The following NEDD9 variants were observed in gnomAD, a reference collection of about 807,000 sequenced individuals.
NEDD9 encodes enhancer of filamentation 1.
NEDD9 carries 26 observed loss-of-function variants against 76.6 expected under a neutral mutation model. The observed-to-expected ratio is 0.34, with a 90% CI of 0.25 to 0.47. NEDD9 has a LOEUF of 0.47. NEDD9 is among the 20% of genes least tolerant of loss of function. NEDD9 has a pLI of 1.00. For missense variants in NEDD9, 937 were observed against 1,058.5 expected (o/e 0.89, Z 1.59); for synonymous variants, 392 against 414.2 (o/e 0.95, Z 0.65).
rs1307551190 is a variant in NEDD9 at position 11,241,007 on chromosome 6, A to C, written c.13-27280T>G. Reference sequence around the variant, plus strand: ...TAGCCGTGAGGTGTTCTGTTATTACATGCTTTAGTTTGTCCAAATAAACAA... The same window carrying C: ...TAGCCGTGAGGTGTTCTGTTATTACCTGCTTTAGTTTGTCCAAATAAACAA... On this transcript the variant is annotated intron_variant, in intron 3 of 3. Coordinates refer to the NEDD9 transcript ENST00000397378. This position sits in a 1 kb window ranked among gnomAD's most constrained non-coding sequence, Gnocchi z 4.0. Among the ~76,000 whole-genome samples, 1 of 152,212 alleles carries C rather than the reference A, an allele frequency of 6.6e-6. No homozygotes were observed. The highest frequency in any genetic ancestry group is 1.9e-4 in the East Asian group (1 of 5,198).
chr6:11,242,554 C>A (rs1759728053), intron 3 of NEDD9, among the ~76,000 whole-genome samples: 1 of 150,698 alleles, frequency 6.6e-6, no homozygotes, highest in South Asian at 2.1e-4. Flanking sequence ...TCTACATTTT[C>A]AAAAGTCATC....
intron 3 of NEDD9, among the ~76,000 whole-genome samples, chr6:11,284,120 G>A (rs183659084): frequency 2.2e-3 from 329 of 152,246 alleles, no homozygotes; most frequent in African/African-American, 7.1e-3. Context: ...GAGAGATTAA[G>A]GAAGCCAGTA....
At chr6:11,272,489 T>A (rs1417072587) in intron 3 of NEDD9, among the ~76,000 whole-genome samples, 1 of 152,212 alleles carries the variant, frequency 6.6e-6, no homozygotes, top group African/African-American at 2.4e-5. Context: ...TTCATTGCAA[T>A]GTTTCAAATT....
intron 2 of NEDD9, among the ~76,000 whole-genome samples, chr6:11,318,474 G>A (rs1034545484): frequency 1.3e-5 from 2 of 152,114 alleles, no homozygotes; most frequent in African/African-American, 2.4e-5. Flanking sequence ...CGCTGACGGC[G>A]TTGATGACTC....
intron 3 of NEDD9, among the ~76,000 whole-genome samples, chr6:11,264,500 G>A (rs1414813428): frequency 6.6e-6 from 1 of 152,132 alleles, no homozygotes; most frequent in African/African-American, 2.4e-5. Flanking sequence ...CAGATATTTA[G>A]GAACGAATCA....
chr6:11,233,192 T>C, upstream of NEDD9: 1 of 516,928 alleles, frequency 1.9e-6, no homozygotes, highest in Non-Finnish European at 3.9e-6. Context: ...CGCCTACTTT[T>C]TGTGTGTGTG....
In NEDD9 at chr6:11,197,042, C is replaced by T. The variant is rs1325505213; in HGVS notation, c.460-3350G>A. 3.3e-5 allele frequency among the ~76,000 whole-genome samples: 5 copies of T among 152,104 alleles called. No homozygotes were observed. The East Asian group carries it at 7.7e-4, about 23-fold the overall frequency. On this transcript the variant is annotated intron_variant, in intron 2 of 6. Transcript: ENST00000379446. ...ACATAAGTACACAAAAACCTTCCAACGATCTCTCCTCATTCCACCTCCCAG... is the reference window on the plus strand; with the variant it reads ...ACATAAGTACACAAAAACCTTCCAATGATCTCTCCTCATTCCACCTCCCAG...
At chr6:11,345,802 G>C (rs1468751662) in intron 1 of NEDD9, among the ~76,000 whole-genome samples, 1 of 151,958 alleles carries the variant, frequency 6.6e-6, no homozygotes, top group Non-Finnish European at 1.5e-5. Flanking sequence ...CAGCATTTTA[G>C]CTGAGATCGA....
At chr6:11,250,569 T>C (rs1377882857) in intron 3 of NEDD9, among the ~76,000 whole-genome samples, 1 of 152,158 alleles carries the variant, frequency 6.6e-6, no homozygotes, top group Non-Finnish European at 1.5e-5. Context: ...CTGGTGTCCC[T>C]TTGCCGGCAT....
chr6:11,239,228 C>A (rs1458045413), intron 3 of NEDD9, among the ~76,000 whole-genome samples: 2 of 152,156 alleles, frequency 1.3e-5, no homozygotes, highest in Admixed American at 6.5e-5. Flanking sequence ...GTATATAACA[C>A]ACCATTTAGT....
intron 2 of NEDD9, chr6:11,201,083 C>T: frequency 1.2e-6 from 2 of 1,613,600 alleles, no homozygotes; most frequent in Non-Finnish European, 1.7e-6. Context: ...ACAAGTTCTG[C>T]TCACATTGTG....
In NEDD9 at chr6:11,240,042, C is replaced by CA. The variant is rs144360623; in HGVS notation, c.13-26316dup. 6.5e-3 allele frequency among the ~76,000 whole-genome samples: 593 copies of CA among 91,366 alleles called. 4 individuals carry two copies. Among genetic ancestry groups the CA allele is most frequent in the South Asian group, 0.011 (31 of 2,888 alleles). 59.9% of individuals were successfully genotyped at this position (91,366 alleles called of 152,430 possible). ...CTGGGGACAGAGCGAGACTTCATCT[C>CA]AAAAAAAAAAAAAAAAAAAAAGAAA... On this transcript the variant is annotated intron_variant, in intron 3 of 3. Coordinates refer to the NEDD9 transcript ENST00000397378.
At chr6:11,306,067 T>TG in exon 3 of NEDD9, 1 of 1,600,118 alleles carries the variant, frequency 6.2e-7, no homozygotes, top group African/African-American at 1.3e-5. Flanking sequence ...TTTACTCTTC[T>TG]GACCAGTTTC....
rs1757944015 is a variant in NEDD9, at chr6:11,185,175, A to G, written c.2492T>C (p.Met831Thr). The change falls in exon 7 of 7, where the codon ATG becomes ACG. Residue 831 changes from methionine to threonine, a missense_variant. Transcript: ENST00000379446. ...AQLFKRSLLE[M>T]ATF ...TTTTTTTTCTTCTCAGAACGTTGCC[A>G]TCTCCAGCAAAGAGCGCTTGAACAG... is the stretch of plus-strand genomic sequence containing the variant. 3 of 1,609,668 alleles carry G rather than the reference A, an allele frequency of 1.9e-6. No homozygotes were observed. The highest frequency in any genetic ancestry group is 1.1e-5 in the South Asian group (1 of 91,034).
In NEDD9 at chr6:11,296,625, TCTTC is replaced by T. The variant is rs199739663; in HGVS notation, c.12+9363_12+9366del. Among the ~76,000 whole-genome samples, 313 of 148,022 alleles carry T rather than the reference TCTTC, an allele frequency of 2.1e-3. 2 individuals are homozygous for T. Among genetic ancestry groups the T allele is most frequent in the African/African-American group, 5.7e-3 (226 of 39,730 alleles). On this transcript the variant is annotated intron_variant, in intron 3 of 3. Transcript: ENST00000397378. ...GCAAAATTTCCTTCCTTCCTTTCTT[TCTTC>T]CTTCCTTCCTTCCTTTCCTTCCTTC...
At chr6:11,224,508 C>G (rs962571445) in intron 1 of NEDD9, among the ~76,000 whole-genome samples, 3 of 152,122 alleles carry the variant, frequency 2.0e-5, no homozygotes, top group African/African-American at 7.2e-5. Flanking sequence ...CAACATTTTG[C>G]TAGGCCAATG....
chr6:11,188,033 C>T (rs1269777276), intron 6 of NEDD9, among the ~76,000 whole-genome samples, 185 bp downstream of exon 6: 1 of 152,210 alleles, frequency 6.6e-6, no homozygotes, highest in Non-Finnish European at 1.5e-5. Flanking sequence ...CCCAGGTACA[C>T]CCAGTTGAAC....
intron 3 of NEDD9, among the ~76,000 whole-genome samples, chr6:11,264,885 A>G (rs1172462774): frequency 1.3e-5 from 2 of 148,510 alleles, no homozygotes; most frequent in East Asian, 3.9e-4. Flanking sequence ...TTTTTAAGAG[A>G]TGGGGGTCTT....
At chr6:11,251,849 A>T (rs1267324676) in intron 3 of NEDD9, 2 of 152,194 alleles carry the variant, frequency 1.3e-5, no homozygotes, top group Non-Finnish European at 1.5e-5. Context: ...AGAGCCTTTG[A>T]CTAATTTCTC....
Sources: gnomAD v4.1 joint callset for allele counts (sites outside exome capture counted in the v4.1 genomes callset) on GRCh38, gnomAD v4.1.1 for gene constraint, Gnocchi (gnomAD v3.1) non-coding constraint, MANE v1.5 for transcripts, NCBI Gene and HGNC (gene_info 2026-07-23, HGNC 2026-07-21) for gene names.